CACNA1H: variants seen among roughly 807,000 people sequenced by gnomAD.
CACNA1H encodes the protein calcium voltage-gated channel subunit alpha1 H.
In CACNA1H, 149 loss-of-function variants were observed where a neutral mutation model predicts 192.5. The ratio of observed to expected loss-of-function variants is 0.77; its 90% confidence interval spans 0.68 to 0.89. The LOEUF is 0.89. Among genes scored for constraint, CACNA1H ranks in the 40% least tolerant of loss-of-function variants. The pLI, the probability that CACNA1H is intolerant of heterozygous loss-of-function variation, is 0.00. For missense variants in CACNA1H, 4,257 were observed against 3,423.5 expected, an observed-to-expected ratio of 1.24 and a Z score of -6.08; for synonymous variants, 2,202 against 1,475.2, an observed-to-expected ratio of 1.49 and a Z score of -11.29.
In CACNA1H at chr16:1,200,371, G is replaced by A. The variant is rs766354453; in HGVS notation, c.919G>A (p.Gly307Ser). 7.2e-5 allele frequency: 115 copies of A among 1,600,244 alleles called. No homozygotes were observed. Among genetic ancestry groups the A allele is most frequent in the Non-Finnish European group, 9.3e-5 (109 of 1,174,402 alleles). ...NGMQKCSHIP[G>S]RRELRMPCTL... ...CATGCAGAAGTGCTCGCACATCCCC[G>A]GCCGCCGCGAGCTGCGCATGCCCTG... Residue 307 changes from glycine (G) to serine (S), a missense_variant, in exon 7 of 35, where the codon GGC becomes AGC. Coordinates refer to ENST00000348261, the MANE Select transcript of CACNA1H (RefSeq NM_021098.3).
chr16:1,217,045 T>C (rs2141386538), intron 31 of CACNA1H, 35 bp downstream of exon 31: 4 of 1,539,624 alleles, frequency 2.6e-6, no homozygotes, highest in Non-Finnish European at 3.5e-6. Flanking sequence ...CTGGCACACA[T>C]GGGGTCCTGA....
intron 2 of CACNA1H, among the ~76,000 whole-genome samples, chr16:1,157,476 A>G (rs550480611): frequency 1.3e-5 from 2 of 152,226 alleles, no homozygotes; most frequent in South Asian, 4.1e-4. Flanking sequence ...CCTTCATGGC[A>G]TCTCTGAACA....
chr16:1,203,595 G>T (rs764978398), intron 9 of CACNA1H, among the ~76,000 whole-genome samples: 6 of 152,160 alleles, frequency 3.9e-5, no homozygotes, highest in Non-Finnish European at 7.4e-5. Flanking sequence ...AAATCACTCA[G>T]CTCTGGAGGC....
intron 2 of CACNA1H, among the ~76,000 whole-genome samples, chr16:1,168,862 GC>G (rs1964074237): frequency 6.6e-6 from 1 of 151,992 alleles, no homozygotes; most frequent in Non-Finnish European, 1.5e-5. Flanking sequence ...TCCTCAGCCC[GC>G]TCCCCACTTT....
intron 2 of CACNA1H, among the ~76,000 whole-genome samples, chr16:1,168,246 G>A (rs1263085763): frequency 6.6e-6 from 1 of 151,834 alleles, no homozygotes; most frequent in African/African-American, 2.4e-5. Context: ...AGCCCACCAT[G>A]TCCAGTCTGT....
At chr16:1,168,629 G>A (rs1964045363) in intron 2 of CACNA1H, among the ~76,000 whole-genome samples, 2 of 151,994 alleles carry the variant, frequency 1.3e-5, no homozygotes, top group East Asian at 1.9e-4. Context: ...AGTGTCCCCC[G>A]AGCCCCTCAT....
intron 2 of CACNA1H, among the ~76,000 whole-genome samples, chr16:1,188,661 C>T (rs376077531): frequency 9.2e-5 from 14 of 152,234 alleles, no homozygotes; most frequent in South Asian, 2.1e-4. Context: ...CAGAGCTATG[C>T]GCTTTCAAGC....
intron 2 of CACNA1H, among the ~76,000 whole-genome samples, chr16:1,183,354 A>T (rs4984765): frequency 6.6e-6 from 1 of 152,204 alleles, no homozygotes; most frequent in African/African-American, 2.4e-5. Flanking sequence ...TCTCCCGAGG[A>T]AGGAGACGGG....
chr16:1,163,591 T>C (rs1963447141), intron 2 of CACNA1H, among the ~76,000 whole-genome samples: 1 of 152,240 alleles, frequency 6.6e-6, no homozygotes, highest in Admixed American at 6.5e-5. Context: ...CCCTGGTCTT[T>C]GCGGGCAGCC....
intron 34 of CACNA1H, among the ~76,000 whole-genome samples, 192 bp downstream of exon 34, chr16:1,219,322 C>A (rs892049790): frequency 5.3e-5 from 8 of 152,222 alleles, no homozygotes; most frequent in Non-Finnish European, 1.0e-4. Flanking sequence ...CGTCTTCAGG[C>A]CTGTGAGCCT....
At chr16:1,211,398 C>A in intron 22 of CACNA1H, 83 bp from the exon 23 acceptor site, 2 of 1,605,892 alleles carry the variant, frequency 1.2e-6, no homozygotes, top group South Asian at 2.2e-5. Context: ...AGGGACAGCT[C>A]GGGCCTCACT....
chr16:1,209,972 G>A (rs1596452954), intron 17 of CACNA1H, 63 bp from the exon 18 acceptor site: 10 of 1,234,650 alleles, frequency 8.1e-6, no homozygotes, highest in Non-Finnish European at 1.0e-5. Flanking sequence ...GAGCACAGAG[G>A]GCCCTGATGG....
intron 2 of CACNA1H, among the ~76,000 whole-genome samples, chr16:1,166,569 T>A (rs1202935762): frequency 6.6e-6 from 1 of 152,102 alleles, no homozygotes; most frequent in Non-Finnish European, 1.5e-5. Context: ...CAGCGATGGG[T>A]TCCAGAATGC....
At position 1,201,877 on chromosome 16, in the gene CACNA1H, T is replaced by C; in HGVS notation, c.1427T>C (p.Leu476Ser). ...TTCCGCAAGGTCAAGCGGCGCAGCTTGCGCCTCTACGCCCGCTGGCAGAGC... is the reference window on the plus strand; with the variant it reads ...TTCCGCAAGGTCAAGCGGCGCAGCTCGCGCCTCTACGCCCGCTGGCAGAGC... The part of the protein sequence containing the change: ...HIFRKVKRRS[L>S]RLYARWQSRW... The change falls in exon 9 of 35, where the codon TTG (leucine) becomes TCG (serine). Residue 476 changes from leucine to serine, a missense_variant. Leu to Ser is a moderately radical substitution (Grantham distance 145). Coordinates refer to ENST00000348261, the MANE Select transcript of CACNA1H (RefSeq NM_021098.3). The C allele has an allele frequency of 6.4e-7, 1 of 1,554,136 alleles. No homozygotes were observed. The highest frequency in any genetic ancestry group is 8.7e-7 in the Non-Finnish European group (1 of 1,149,390).
At position 1,169,855 on chromosome 16, in the gene CACNA1H, G is replaced by T. The variant is rs542176333; in HGVS notation, c.299+15819G>T. Among the ~76,000 whole-genome samples, 444 of 152,386 alleles carry T rather than the reference G, an allele frequency of 2.9e-3. 1 individual carries two copies. Among genetic ancestry groups the T allele is most frequent in the African/African-American group, 0.01 (417 of 41,604 alleles). On this transcript the variant is annotated intron_variant, in intron 2 of 34. Coordinates refer to ENST00000348261, the MANE Select transcript of CACNA1H (RefSeq NM_021098.3). ...CAGGACCGGCTTCCCCGTGAGGCCG[G>T]ACATGGGCGTGTGCGACCGCCCAGC...
Position 1,205,146 on chromosome 16 carries a change from C to T in CACNA1H, c.2484C>T (p.Ser828=), listed in dbSNP as rs368916421. The T allele has an allele frequency of 5.0e-6, 8 of 1,612,782 alleles. No homozygotes were observed. The highest frequency in any genetic ancestry group is 6.8e-6 in the Non-Finnish European group (8 of 1,179,782). ...PEELTNALEI[S]NIVFTSMFAL... ...AGCTGACTAATGCTCTGGAGATCAG[C>T]AACATCGTGTTCACCAGCATGTTTG... is the stretch of plus-strand genomic sequence containing the variant. The change falls in exon 11 of 35, where the codon AGC becomes AGT. Residue 828 remains serine (S), a synonymous_variant. Transcript: ENST00000348261.
intron 10 of CACNA1H, among the ~76,000 whole-genome samples, chr16:1,204,759 CCGGGGAGGGG>C (rs1968451389): frequency 7.5e-6 from 1 of 132,676 alleles, no homozygotes; most frequent in Non-Finnish European, 1.7e-5. Context: ...CAGATCAGTG[CCGGGGAGGGG>C]TGGGAGCCGT....
intron 2 of CACNA1H, among the ~76,000 whole-genome samples, chr16:1,190,051 G>T (rs1197036264): frequency 6.6e-6 from 1 of 152,204 alleles, no homozygotes; most frequent in Non-Finnish European, 1.5e-5. Flanking sequence ...GGGTGAGTGG[G>T]TGCATTGCTG....
chr16:1,197,388 G>A (rs1429896394), intron 5 of CACNA1H, among the ~76,000 whole-genome samples: 2 of 152,208 alleles, frequency 1.3e-5, no homozygotes, highest in African/African-American at 4.8e-5. Flanking sequence ...AAGCAACCCA[G>A]CACACACAGC....
Sources: allele counts gnomAD v4.1 joint callset (sites outside exome capture counted in the v4.1 genomes callset), GRCh38; gene constraint gnomAD v4.1.1; transcripts MANE v1.5; gene names NCBI Gene and HGNC (gene_info 2026-07-23, HGNC 2026-07-21).